CDC42BPB: variants seen among roughly 807,000 people sequenced by gnomAD.
CDC42BPB encodes the protein CDC42 binding protein kinase beta, also known as serine/threonine-protein kinase MRCK beta.
A neutral mutation model predicts 214.9 loss-of-function variants in CDC42BPB; 37 were observed. The observed-to-expected ratio is 0.17, with a 90% CI of 0.13 to 0.23. The LOEUF is 0.23. Ranked by LOEUF, CDC42BPB falls within the 10% of genes least tolerant of loss-of-function variation. The pLI is 1.00. For synonymous variants in CDC42BPB, 931 were observed against 884.0 expected (o/e 1.05, Z -0.94); for missense variants, 1,694 against 2,227.0 (o/e 0.76, Z 4.82).
At chr14:102,999,533 G>C (rs746748599) in intron 5 of CDC42BPB, 32 bp downstream of exon 5, 25 of 1,607,788 alleles carry the variant, frequency 1.6e-5, no homozygotes, top group Non-Finnish European at 2.1e-5. Context: ...AATTAAACGT[G>C]GTTTCCATAA....
intron 1 of CDC42BPB, among the ~76,000 whole-genome samples, chr14:103,012,925 G>T (rs1886238868): frequency 6.6e-6 from 1 of 152,236 alleles, no homozygotes; most frequent in Non-Finnish European, 1.5e-5. Context: ...TGTGCCACAT[G>T]GCCTAGGTGT....
At chr14:102,955,239 A>G (rs1415185140) in intron 21 of CDC42BPB, among the ~76,000 whole-genome samples, 1 of 152,172 alleles carries the variant, frequency 6.6e-6, no homozygotes, top group African/African-American at 2.4e-5. Context: ...CCTGGCCAAC[A>G]TGGCGAAACC....
In CDC42BPB at chr14:102,939,931, C is replaced by A; in HGVS notation, c.4608G>T (p.Val1536=). ...TCTTGCTGTTGTCGGAGGTGTCCGG[C>A]ACGTTGAGAACCGCTCCTGCAGAAG... ...KSKFSGAVLN[V]PDTSDNSKKQ... The change falls in exon 33 of 37, where the codon GTG becomes GTT. Residue 1536 remains valine (V), a synonymous_variant. Transcript: ENST00000361246. The A allele has an allele frequency of 6.2e-7, 1 of 1,613,988 alleles. No homozygotes were observed.
At chr14:102,985,381 T>C (rs994482554) in intron 6 of CDC42BPB, among the ~76,000 whole-genome samples, 3 of 148,984 alleles carry the variant, frequency 2.0e-5, no homozygotes, top group African/African-American at 7.5e-5. Context: ...GCTCTTGTTA[T>C]ACCGTGACAG....
intron 5 of CDC42BPB, among the ~76,000 whole-genome samples, chr14:102,987,262 C>A (rs1398796758): frequency 6.6e-6 from 1 of 152,220 alleles, no homozygotes; most frequent in East Asian, 1.9e-4. Flanking sequence ...AAACACAGGT[C>A]TGTCCCACTA....
At chr14:102,964,358 C>T in intron 19 of CDC42BPB, 144 bp downstream of exon 19, 1 of 935,930 alleles carries the variant, frequency 1.1e-6, no homozygotes, top group Non-Finnish European at 1.5e-6. Flanking sequence ...GCAGGTGAAC[C>T]CGACGTGCTG....
At chr14:103,039,440 G>C (rs930489721) in intron 1 of CDC42BPB, among the ~76,000 whole-genome samples, 1 of 152,002 alleles carries the variant, frequency 6.6e-6, no homozygotes, top group Non-Finnish European at 1.5e-5. Context: ...TGATCAAGTG[G>C]GATTCATCCC....
chr14:102,982,507 G>A (rs559926295), intron 7 of CDC42BPB, among the ~76,000 whole-genome samples: 1 of 152,302 alleles, frequency 6.6e-6, no homozygotes, highest in Non-Finnish European at 1.5e-5. Flanking sequence ...GATGGCTCAC[G>A]CCTGTAATCC....
intron 1 of CDC42BPB, among the ~76,000 whole-genome samples, chr14:103,019,435 C>T (rs1886646990): frequency 6.6e-6 from 1 of 152,130 alleles, no homozygotes; most frequent in Non-Finnish European, 1.5e-5. Flanking sequence ...CTGAAGAGCC[C>T]GTAGCCCTCA....
At chr14:103,032,535 C>CAAAAAAA (rs570009408) in intron 1 of CDC42BPB, among the ~76,000 whole-genome samples, 3 of 45,038 alleles carry the variant, frequency 6.7e-5, no homozygotes, top group Admixed American at 5.7e-4. Flanking sequence ...AAATAAACTG[C>CAAAAAAA]AAAAAAAAAA....
chr14:102,961,513 T>G (rs573490998), intron 20 of CDC42BPB, among the ~76,000 whole-genome samples: 212 of 151,338 alleles, frequency 1.4e-3, no homozygotes, highest in African/African-American at 4.8e-3. Context: ...TTTTGTATTT[T>G]TAGTAGAGAT....
intron 26 of CDC42BPB, 64 bp downstream of exon 26, chr14:102,949,701 C>T (rs1211992699): frequency 6.2e-7 from 1 of 1,601,648 alleles, no homozygotes; most frequent in Non-Finnish European, 8.5e-7. Flanking sequence ...AACACACCGT[C>T]CTTTTGGCTA....
intron 18 of CDC42BPB, among the ~76,000 whole-genome samples, chr14:102,966,053 C>T (rs955368483): frequency 2.6e-5 from 4 of 152,178 alleles, no homozygotes; most frequent in Non-Finnish European, 4.4e-5. Context: ...CTTGACACCA[C>T]GGAGCTCAGT....
At chr14:103,018,449 C>T (rs1886587040) in intron 1 of CDC42BPB, among the ~76,000 whole-genome samples, 1 of 152,136 alleles carries the variant, frequency 6.6e-6, no homozygotes, top group Admixed American at 6.5e-5. Flanking sequence ...TGGATACAGC[C>T]ACCACCGCCC....
chr14:103,049,244 AC>A (rs1888470671), intron 1 of CDC42BPB, among the ~76,000 whole-genome samples: 1 of 152,192 alleles, frequency 6.6e-6, no homozygotes, highest in Admixed American at 6.5e-5. Context: ...CTAAGCACCC[AC>A]CAATATCCAA....
At position 102,940,042 on chromosome 14, in the gene CDC42BPB, T is replaced by G; in HGVS notation, c.4591+4A>C. 1 of 1,613,896 alleles carries G rather than the reference T, an allele frequency of 6.2e-7. No individual in the cohort carries two copies. Among genetic ancestry groups the G allele is most frequent in the Non-Finnish European group, 8.5e-7 (1 of 1,180,034 alleles). On this transcript the variant is annotated splice_donor_region_variant and intron_variant, in intron 32 of 36. Coordinates refer to ENST00000361246, the MANE Select transcript of CDC42BPB (RefSeq NM_006035.4). Reference sequence around the variant, plus strand: ...CTCCACTCCCGGTGCAGAGGAAGGCTCACCCGAGAACTTGCTCTTGAAGTA... The same window carrying G: ...CTCCACTCCCGGTGCAGAGGAAGGCGCACCCGAGAACTTGCTCTTGAAGTA...
intron 11 of CDC42BPB, 31 bp from the exon 12 acceptor site, chr14:102,974,180 T>C: frequency 6.2e-7 from 1 of 1,610,592 alleles, no homozygotes; most frequent in Non-Finnish European, 8.5e-7. Context: ...ACTCTGTTCC[T>C]TTATGTGCAA....
intron 11 of CDC42BPB, among the ~76,000 whole-genome samples, chr14:102,974,780 A>C (rs1307116203): frequency 6.6e-6 from 1 of 152,084 alleles, no homozygotes; most frequent in African/African-American, 2.4e-5. Context: ...ACACAGTGAA[A>C]TCCTGTCTCT....
At chr14:103,015,000 TC>T (rs1362325710) in intron 1 of CDC42BPB, among the ~76,000 whole-genome samples, 7 of 152,306 alleles carry the variant, frequency 4.6e-5, no homozygotes. Flanking sequence ...TTGTCAAGTT[TC>T]CCCCTACTCT....
Sources: gnomAD v4.1 joint callset for allele counts (sites outside exome capture counted in the v4.1 genomes callset) on GRCh38, gnomAD v4.1.1 for gene constraint, MANE v1.5 for transcripts, NCBI Gene and HGNC (gene_info 2026-07-23, HGNC 2026-07-21) for gene names.